The following EPHB2 variants were observed in gnomAD, a reference collection of about 807,000 sequenced individuals.
EPHB2 encodes the protein EPH receptor B2.
EPHB2 carries 18 observed loss-of-function variants against 96.4 expected under a neutral mutation model. That is an observed-to-expected ratio of 0.19 (90% CI 0.13 to 0.28). The LOEUF is 0.28. Among genes scored for constraint, EPHB2 ranks in the 10% least tolerant of loss-of-function variants. EPHB2 has a pLI of 1.00. For synonymous variants in EPHB2, 506 were observed against 534.1 expected (o/e 0.95, Z 0.72); for missense variants, 989 against 1,355.4 (o/e 0.73, Z 4.25).
At chr1:22,816,449 C>G (rs1164130229) in intron 3 of EPHB2, among the ~76,000 whole-genome samples, 1 of 152,184 alleles carries the variant, frequency 6.6e-6, no homozygotes, top group Non-Finnish European at 1.5e-5. Flanking sequence ...CCTTCCAAGC[C>G]CATTGGCCCA....
At chr1:22,839,394 A>G (rs1645432723) in intron 3 of EPHB2, among the ~76,000 whole-genome samples, 1 of 152,346 alleles carries the variant, frequency 6.6e-6, no homozygotes, top group African/African-American at 2.4e-5. Flanking sequence ...TTGCTCCTGA[A>G]AGCAACTCTT....
At chr1:22,883,242 A>T (rs1446747529) in intron 6 of EPHB2, among the ~76,000 whole-genome samples, 1 of 152,248 alleles carries the variant, frequency 6.6e-6, no homozygotes. Context: ...CCTGGCCCTC[A>T]GCAGAGGCCA....
In EPHB2 at chr1:22,816,002, A is replaced by G. The variant is rs539780769; in HGVS notation, c.811+30926A>G. Among the ~76,000 whole-genome samples the G allele has an allele frequency of 2.0e-5, 3 of 152,196 alleles. No individual in the cohort carries two copies. The South Asian group carries it at 6.2e-4, about 32-fold the overall frequency. On this transcript the variant is annotated intron_variant, in intron 3 of 15. Coordinates refer to ENST00000374630, the MANE Select transcript of EPHB2 (RefSeq NM_017449.5). ...GATTTAAAATCCAACTTTACCATTCACGTGCTGTGTCACCTGGAGCCAATT... is the reference window on the plus strand; with the variant it reads ...GATTTAAAATCCAACTTTACCATTCGCGTGCTGTGTCACCTGGAGCCAATT...
intron 1 of EPHB2, among the ~76,000 whole-genome samples, chr1:22,745,736 G>A (rs995494506): frequency 6.6e-6 from 1 of 152,120 alleles, no homozygotes; most frequent in African/African-American, 2.4e-5. Context: ...CTAGCTCACG[G>A]TGGGCGCTTG....
intron 1 of EPHB2, among the ~76,000 whole-genome samples, chr1:22,737,144 C>T (rs930483251): frequency 6.6e-6 from 1 of 152,180 alleles, no homozygotes; most frequent in Non-Finnish European, 1.5e-5. Flanking sequence ...CTGTGCCTCC[C>T]TCTCACCCTG....
chr1:22,717,231 C>T (rs1643317669), intron 1 of EPHB2, among the ~76,000 whole-genome samples: 1 of 151,790 alleles, frequency 6.6e-6, no homozygotes, highest in Non-Finnish European at 1.5e-5. Context: ...TGCACAGCTC[C>T]CAGGGGTGGG....
At chr1:22,805,195 C>G (rs576635107) in intron 3 of EPHB2, among the ~76,000 whole-genome samples, 168 of 152,168 alleles carry the variant, frequency 1.1e-3, no homozygotes, top group African/African-American at 3.6e-3. Context: ...AATCCATGTC[C>G]CACAGGGGGC....
intron 1 of EPHB2, among the ~76,000 whole-genome samples, chr1:22,755,371 A>T (rs1371486192): frequency 6.6e-6 from 1 of 152,156 alleles, no homozygotes; most frequent in Non-Finnish European, 1.5e-5. Flanking sequence ...CAAAGACCGA[A>T]AAAACATTTT....
intron 3 of EPHB2, among the ~76,000 whole-genome samples, chr1:22,829,940 G>A (rs1191655348): frequency 1.3e-5 from 2 of 152,200 alleles, no homozygotes; most frequent in East Asian, 3.9e-4. Context: ...TGGCAATGGG[G>A]CAGGAGAGGT....
chr1:22,829,312 G>C (rs1243770280), intron 3 of EPHB2, among the ~76,000 whole-genome samples: 1 of 152,226 alleles, frequency 6.6e-6, no homozygotes, highest in Non-Finnish European at 1.5e-5. Context: ...CACCCAGCCG[G>C]GAGAGGCTCC....
intron 3 of EPHB2, among the ~76,000 whole-genome samples, chr1:22,810,351 G>A (rs1209245199): frequency 1.3e-5 from 2 of 152,184 alleles, no homozygotes; most frequent in African/African-American, 4.8e-5. Flanking sequence ...CCACAGTGGT[G>A]GGGTGGAGGG....
intron 3 of EPHB2, among the ~76,000 whole-genome samples, chr1:22,831,747 A>T (rs888230072): frequency 6.6e-6 from 1 of 152,030 alleles, no homozygotes; most frequent in African/African-American, 2.4e-5. Flanking sequence ...TAGGTGGGAG[A>T]TGCTGACCTG....
Position 22,913,578 on chromosome 1 carries a change from C to G in EPHB2, c.*8C>G. 1.2e-6 allele frequency: 2 copies of G among 1,614,072 alleles called. No individual in the cohort carries two copies. The highest frequency in any genetic ancestry group is 1.7e-6 in the Non-Finnish European group (2 of 1,180,004). On this transcript the variant is annotated 3_prime_UTR_variant, in exon 16 of 16. Transcript: ENST00000374630. The surrounding 1 kb of genome is among the most constrained non-coding windows in gnomAD (Gnocchi z 4.1). ...CAGTCTGTGGAGGTTTGACATTCACCTGCCTCGGCTCACCTCTTCCTCCAA... is the reference window on the plus strand; with the variant it reads ...CAGTCTGTGGAGGTTTGACATTCACGTGCCTCGGCTCACCTCTTCCTCCAA...
At position 22,790,024 on chromosome 1, in the gene EPHB2, A is replaced by G. The variant is rs1009145908; in HGVS notation, c.811+4948A>G. Among the ~76,000 whole-genome samples, 2 of 152,158 alleles carry G rather than the reference A, an allele frequency of 1.3e-5. No individual in the cohort carries two copies. The highest frequency in any genetic ancestry group is 4.8e-5 in the African/African-American group (2 of 41,422). ...GTGCTGCCACAAATGAGATCCATCCAGGCAAAGTGCTTTGAGAATATGAGG... is the reference window on the plus strand; with the variant it reads ...GTGCTGCCACAAATGAGATCCATCCGGGCAAAGTGCTTTGAGAATATGAGG... On this transcript the variant is annotated intron_variant, in intron 3 of 15. Coordinates refer to ENST00000374630, the MANE Select transcript of EPHB2 (RefSeq NM_017449.5). The surrounding 1 kb of genome is among the most constrained non-coding windows in gnomAD (Gnocchi z 4.0).
chr1:22,723,525 GC>G (rs1328617751), intron 1 of EPHB2, among the ~76,000 whole-genome samples: 3 of 152,248 alleles, frequency 2.0e-5, no homozygotes, highest in Non-Finnish European at 4.4e-5. Flanking sequence ...TGCCAGCAAA[GC>G]TCAGGACTCC....
At chr1:22,865,253 G>T (rs45550439) in intron 5 of EPHB2, 41 bp downstream of exon 5, 228,073 of 1,609,670 alleles carry the variant, frequency 0.14, 18,109 homozygotes, top group Non-Finnish European at 0.16. Context: ...GCCCCATCGC[G>T]CTGTGCCAGG....
In EPHB2 at chr1:22,913,879, T is replaced by C. The variant is rs1640195433; in HGVS notation, c.*309T>C. The C allele has an allele frequency of 6.3e-7, 1 of 1,587,194 alleles. No individual in the cohort carries two copies. Among genetic ancestry groups the C allele is most frequent in the African/African-American group, 1.4e-5 (1 of 73,584 alleles). On this transcript the variant is annotated 3_prime_UTR_variant, in exon 16 of 16. Coordinates refer to ENST00000374630, the MANE Select transcript of EPHB2 (RefSeq NM_017449.5). This position sits in a 1 kb window ranked among gnomAD's most constrained non-coding sequence, Gnocchi z 4.1. The stretch of plus-strand genomic sequence containing the variant: ...GTTCTTGCGGGGGATAAAAAAGGGC[T>C]TGGGAGATTCATGCGATGTGTCCAA...
intron 14 of EPHB2, among the ~76,000 whole-genome samples, 192 bp downstream of exon 14, chr1:22,910,767 G>A (rs1185669288): frequency 6.6e-6 from 1 of 152,206 alleles, no homozygotes; most frequent in Non-Finnish European, 1.5e-5. Flanking sequence ...CTGCCCAGAG[G>A]AAGAAAAGGA....
At chr1:22,874,095 C>G (rs1365044680) in intron 5 of EPHB2, among the ~76,000 whole-genome samples, 2 of 152,170 alleles carry the variant, frequency 1.3e-5, no homozygotes, top group East Asian at 3.9e-4. Context: ...CTTTTCTCAC[C>G]TTCACCGCCA....
Sources: allele counts gnomAD v4.1 joint callset (sites outside exome capture counted in the v4.1 genomes callset), GRCh38; gene constraint gnomAD v4.1.1; non-coding constraint Gnocchi (gnomAD v3.1); transcripts MANE v1.5; gene names NCBI Gene and HGNC (gene_info 2026-07-23, HGNC 2026-07-21).